The following ZNF155 variants were observed in gnomAD, a reference collection of about 807,000 sequenced individuals.
ZNF155 encodes the protein zinc finger protein 155, also known as KRAB A domain.
A neutral mutation model predicts 11.9 loss-of-function variants in ZNF155; 15 were observed. The observed-to-expected ratio is 1.26, with a 90% CI of 0.84 to 1.94. The LOEUF (loss-of-function observed/expected upper bound fraction) is 1.94, where lower values mean the gene tolerates loss of function less well. ZNF155 is among the 30% of genes most tolerant of loss of function. The pLI is 0.00. For synonymous variants in ZNF155, 212 were observed against 219.9 expected, an observed-to-expected ratio of 0.96 and a Z score of 0.32; for missense variants, 602 against 639.1, an observed-to-expected ratio of 0.94 and a Z score of 0.63.
At position 43,989,527 on chromosome 19, in the gene ZNF155, G is replaced by A. The variant is rs528848686; in HGVS notation, c.15+969G>A. Among the ~76,000 whole-genome samples the A allele has an allele frequency of 5.3e-5, 8 of 152,214 alleles. No homozygotes were observed. In the South Asian group the frequency reaches 1.7e-3, roughly 32 times the overall value. On this transcript the variant is annotated intron_variant, in intron 2 of 4. Coordinates refer to ENST00000270014, the MANE Select transcript of ZNF155 (RefSeq NM_198089.3). ...CAGGAGTGTTAGCCATTCGGCTCAG[G>A]TGAAAAAGAGAAACAAGGAGAGAGA...
At chr19:43,990,230 ATGTTCTT>A in intron 2 of ZNF155, 2 of 594,716 alleles carry the variant, frequency 3.4e-6, no homozygotes, top group Non-Finnish European at 2.8e-6. Context: ...AGAGAGTAAG[ATGTTCTT>A]ACATCTTGCT....
intron 4 of ZNF155, 126 bp from the exon 5 acceptor site, chr19:43,995,967 C>G (rs917094017): frequency 1.1e-5 from 14 of 1,271,928 alleles, no homozygotes; most frequent in Non-Finnish European, 1.5e-5. Context: ...TCAGGGTGTA[C>G]TTGGAAAACA....
chr19:43,988,426 T>C (rs890920915), intron 1 of ZNF155, 33 bp from the exon 2 acceptor site: 2 of 1,092,716 alleles, frequency 1.8e-6, no homozygotes, highest in Non-Finnish European at 2.6e-6. Context: ...ATTCATGGGC[T>C]AATTCACAAC....
Position 43,996,852 on chromosome 19 carries a change from A to G in ZNF155, c.995A>G (p.Asn332Ser), listed in dbSNP as rs759110243. Residue 332 changes from asparagine (N) to serine (S), a missense_variant, in exon 5 of 5, where the codon AAT becomes AGT. By Grantham distance (46) the Asn-to-Ser change is conservative (BLOSUM62 1). Transcript: ENST00000270014. The stretch of plus-strand genomic sequence containing the variant: ...AGCTTTCATCAGAGATCAGCACTTA[A>G]TAGGCATTGCATGGTCCACACAGGA... The part of the protein sequence containing the change: ...DKSFHQRSAL[N>S]RHCMVHTGEK... The G allele has an allele frequency of 1.9e-6, 3 of 1,614,212 alleles. No individual in the cohort carries two copies. The South Asian group carries it at 3.3e-5, about 18-fold the overall frequency.
chr19:43,990,203 T>C (rs1975605747), intron 2 of ZNF155: 2 of 744,300 alleles, frequency 2.7e-6, no homozygotes, highest in Non-Finnish European at 4.0e-6. Context: ...CATTTGAAAT[T>C]ATTATTTTAA....
chr19:43,985,083 G>A (rs1248098724), intron 1 of ZNF155, among the ~76,000 whole-genome samples: 4 of 152,172 alleles, frequency 2.6e-5, no homozygotes, highest in Admixed American at 2.6e-4. Flanking sequence ...ATTTGAGAAT[G>A]AGGTTTGCTC....
intron 2 of ZNF155, chr19:43,990,094 C>T: frequency 6.6e-7 from 1 of 1,524,752 alleles, no homozygotes; most frequent in Non-Finnish European, 8.7e-7. Flanking sequence ...TACTTGTATT[C>T]TGTTCAAAGA....
intron 2 of ZNF155, chr19:43,990,049 T>C (rs758906704): frequency 6.6e-7 from 1 of 1,512,248 alleles, no homozygotes; most frequent in South Asian, 1.3e-5. Context: ...GGAATACTTA[T>C]AACCTGCTCT....
Position 43,996,217 on chromosome 19 carries a change from T to C in ZNF155, c.360T>C (p.Asn120=), listed in dbSNP as rs1313134481. ...DLTRSQDSII[N]NSQFFENGDV... ...CCAGGTCTCAGGACTCTATCATAAA[T>C]AACTCTCAGTTCTTTGAAAATGGTG... Residue 120 remains asparagine, a synonymous_variant, in exon 5 of 5, where the codon AAT becomes AAC. Coordinates refer to ENST00000270014, the MANE Select transcript of ZNF155 (RefSeq NM_198089.3). 3 of 1,614,210 alleles carry C rather than the reference T, an allele frequency of 1.9e-6. No homozygotes were observed. The South Asian group carries it at 3.3e-5, about 18-fold the overall frequency.
chr19:43,992,556 T>C (rs541856461), intron 4 of ZNF155, among the ~76,000 whole-genome samples: 3 of 152,344 alleles, frequency 2.0e-5, no homozygotes, highest in African/African-American at 7.2e-5. Flanking sequence ...TTGTTTCACG[T>C]CTCCATCTTC....
At position 43,998,041 on chromosome 19, in the gene ZNF155, T is replaced by A; in HGVS notation, c.*567T>A. On this transcript the variant is annotated 3_prime_UTR_variant, in exon 5 of 5. Coordinates refer to ENST00000270014, the MANE Select transcript of ZNF155 (RefSeq NM_198089.3). ...GCTCCTGATTGGTCCCAGGCCAAGC[T>A]GAATAGCCCTTAGGAATAATCACTT... The A allele has an allele frequency of 9.7e-6, 1 of 102,938 alleles. No individual in the cohort carries two copies. Among genetic ancestry groups the A allele is most frequent in the Admixed American group, 1.1e-4 (1 of 8,820 alleles). 6.4% of individuals were successfully genotyped at this position (102,938 alleles called of 1,614,324 possible). A position where few individuals can be genotyped will look rare whatever the true frequency, so the allele number is the denominator to read the frequency against.
At chr19:43,991,132 G>A (rs1242014394) in intron 2 of ZNF155, among the ~76,000 whole-genome samples, 2 of 152,188 alleles carry the variant, frequency 1.3e-5, no homozygotes, top group African/African-American at 4.8e-5. Context: ...TGTTAGTTTA[G>A]CAAATACTAA....
Position 43,998,148 on chromosome 19 carries a change from CCCAGACCA to C in ZNF155, c.*675_*682del, listed in dbSNP as rs1357335584. 13 of 152,286 alleles carry C rather than the reference CCCAGACCA, an allele frequency of 8.5e-5. No individual in the cohort carries two copies. The highest frequency in any genetic ancestry group is 2.9e-4 in the African/African-American group (12 of 41,504). The allele number at this position is 152,286 out of a possible 1,614,324, so 9.4% of individuals were successfully genotyped here. ...TTCCTGATTGGTCCCGGGCCAAGGT[CCCAGACCA>C]AGCTGAATCACGCTTTCTCCAAGAC... On this transcript the variant is annotated 3_prime_UTR_variant, in exon 5 of 5. Transcript: ENST00000270014.
intron 2 of ZNF155, chr19:43,990,031 A>G (rs1975596918): frequency 1.3e-6 from 2 of 1,487,778 alleles, no homozygotes; most frequent in Non-Finnish European, 1.8e-6. Flanking sequence ...CAGATTACCA[A>G]GACTGTGGGA....
At chr19:43,989,590 G>C (rs531348705) in intron 2 of ZNF155, among the ~76,000 whole-genome samples, 49 of 152,302 alleles carry the variant, frequency 3.2e-4, no homozygotes, top group African/African-American at 1.1e-3. Context: ...CCTGTGATGT[G>C]GATGTCTGGA....
rs893250879 is a variant in ZNF155 at position 43,998,133 on chromosome 19, G to T, written c.*659G>T. 1.3e-5 allele frequency: 2 copies of T among 152,046 alleles called. No homozygotes were observed. Among genetic ancestry groups the T allele is most frequent in the African/African-American group, 4.8e-5 (2 of 41,342 alleles). The allele number at this position is 152,046 out of a possible 1,614,324, so 9.4% of individuals were successfully genotyped here. A position where few individuals can be genotyped will look rare whatever the true frequency, so the allele number is the denominator to read the frequency against. On this transcript the variant is annotated 3_prime_UTR_variant, in exon 5 of 5. Transcript: ENST00000270014. ...GAATCATCACTTCGGTTCCTGATTGGTCCCGGGCCAAGGTCCCAGACCAAG... is the reference window on the plus strand; with the variant it reads ...GAATCATCACTTCGGTTCCTGATTGTTCCCGGGCCAAGGTCCCAGACCAAG...
Position 43,996,211 on chromosome 19 carries a change from C to T in ZNF155, c.354C>T (p.Ile118=), listed in dbSNP as rs1373133970. 6.2e-7 allele frequency: 1 copy of T among 1,614,218 alleles called. No individual in the cohort carries two copies. Among genetic ancestry groups the T allele is most frequent in the East Asian group, 2.2e-5 (1 of 44,886 alleles). The change falls in exon 5 of 5, where the codon ATC becomes ATT. Residue 118 remains isoleucine (I), a synonymous_variant. Coordinates refer to ENST00000270014, the MANE Select transcript of ZNF155 (RefSeq NM_198089.3). ...ACTTAACCAGGTCTCAGGACTCTAT[C>T]ATAAATAACTCTCAGTTCTTTGAAA... is the stretch of plus-strand genomic sequence containing the variant. ...AKDLTRSQDS[I]INNSQFFENG...
At chr19:43,994,503 G>A (rs761603728) in intron 4 of ZNF155, among the ~76,000 whole-genome samples, 1 of 152,152 alleles carries the variant, frequency 6.6e-6, no homozygotes, top group African/African-American at 2.4e-5. Context: ...AATTCAGGAG[G>A]TTTTCAAAAC....
chr19:43,990,621 T>G (rs1354321807), intron 2 of ZNF155, among the ~76,000 whole-genome samples: 1 of 152,166 alleles, frequency 6.6e-6, no homozygotes, highest in African/African-American at 2.4e-5. Flanking sequence ...AGGCTGCAAT[T>G]AACATTTGTG....
Sources: allele counts gnomAD v4.1 joint callset (sites outside exome capture counted in the v4.1 genomes callset), GRCh38; gene constraint gnomAD v4.1.1; transcripts MANE v1.5; gene names NCBI Gene and HGNC (gene_info 2026-07-23, HGNC 2026-07-21).